POLD1: variants seen among roughly 807,000 people sequenced by gnomAD.
POLD1 encodes the protein DNA polymerase delta catalytic subunit.
A neutral mutation model predicts 129.7 loss-of-function variants in POLD1; 79 were observed. The observed-to-expected ratio is 0.61, with a 90% CI of 0.51 to 0.73. The LOEUF is 0.73. Ranked by LOEUF, POLD1 falls within the 30% of genes least tolerant of loss-of-function variation. The probability of loss-of-function intolerance (pLI) is 0.00; values close to 1 mark genes in which losing one functional copy is unlikely to be tolerated. For synonymous variants in POLD1, 714 were observed against 683.3 expected, an observed-to-expected ratio of 1.04 and a Z score of -0.70; for missense variants, 1,338 against 1,595.8, an observed-to-expected ratio of 0.84 and a Z score of 2.75.
At chr19:50,395,788 C>G (rs191092458) in intron 1 of POLD1, among the ~76,000 whole-genome samples, 139 of 151,242 alleles carry the variant, frequency 9.2e-4, no homozygotes, top group African/African-American at 3.1e-3. Context: ...TGTGTATCTC[C>G]TTAGAATATT....
chr19:50,416,875 G>A, intron 24 of POLD1, 152 bp downstream of exon 24: 1 of 959,748 alleles, frequency 1.0e-6, no homozygotes, highest in South Asian at 1.7e-5. Context: ...CCCACAGAGG[G>A]TCCTCGGCCC....
intron 1 of POLD1, among the ~76,000 whole-genome samples, chr19:50,391,349 C>T (rs2038159395): frequency 6.6e-6 from 1 of 152,116 alleles, no homozygotes; most frequent in Non-Finnish European, 1.5e-5. Context: ...AGGCAGGCGG[C>T]TGGGAGGTGG....
chr19:50,384,761 C>G (rs1036585174), intron 1 of POLD1, among the ~76,000 whole-genome samples: 1 of 152,170 alleles, frequency 6.6e-6, no homozygotes, highest in Non-Finnish European at 1.5e-5. Flanking sequence ...TCAGAGAAGT[C>G]CCTGTCTCGG....
chr19:50,395,247 AC>A (rs1458078889), intron 1 of POLD1: 3 of 145,820 alleles, frequency 2.1e-5, no homozygotes, highest in Admixed American at 2.0e-4. Flanking sequence ...GGGTACAGGT[AC>A]TTTTTAAAAA....
chr19:50,413,306 T>A, intron 17 of POLD1, 120 bp from the exon 18 acceptor site: 1 of 755,266 alleles, frequency 1.3e-6, no homozygotes, highest in Non-Finnish European at 2.2e-6. Flanking sequence ...AGGGGCAGAG[T>A]GGCTTGTACA....
At chr19:50,398,505 G>T (rs1412372962) in intron 1 of POLD1, among the ~76,000 whole-genome samples, 1 of 137,358 alleles carries the variant, frequency 7.3e-6, no homozygotes, top group African/African-American at 2.8e-5. Context: ...GGGAGGTAGA[G>T]CTTGCAGTGA....
intron 9 of POLD1, 21 bp downstream of exon 9, chr19:50,403,240 C>T: frequency 6.5e-7 from 1 of 1,528,630 alleles, no homozygotes; most frequent in African/African-American, 1.4e-5. Context: ...CTCCACGCCC[C>T]ACACCATTTC....
In POLD1 at chr19:50,413,421, G is replaced by T; in HGVS notation, c.2155-5G>T. On this transcript the variant is annotated splice_region_variant and splice_polypyrimidine_tract_variant and intron_variant, in intron 17 of 26. Coordinates refer to ENST00000440232, the MANE Select transcript of POLD1 (RefSeq NM_002691.4). ...CTTCACTCCGCATGATTCTCTCCCC[G>T]ACAGAGCGTCACGGGGTTCGGACGT... 6.2e-7 allele frequency: 1 copy of T among 1,612,084 alleles called. No homozygotes were observed. The highest frequency in any genetic ancestry group is 1.1e-5 in the South Asian group (1 of 90,822).
chr19:50,408,731 G>T, intron 14 of POLD1, 54 bp from the exon 15 acceptor site: 1 of 1,599,838 alleles, frequency 6.3e-7, no homozygotes, highest in Non-Finnish European at 8.5e-7. Context: ...ACAGGGCGGG[G>T]GCGGCATGGG....
chr19:50,406,592 C>A lies in POLD1; in HGVS notation c.1494+75C>A. The A allele has an allele frequency of 2.8e-6, 3 of 1,079,384 alleles. No individual in the cohort carries two copies. The highest frequency in any genetic ancestry group is 2.0e-5 in the Admixed American group (1 of 50,192). 66.9% of individuals were successfully genotyped at this position (1,079,384 alleles called of 1,614,324 possible). On this transcript the variant is annotated intron_variant, in intron 12 of 26. Coordinates refer to ENST00000440232, the MANE Select transcript of POLD1 (RefSeq NM_002691.4). This position sits in a 1 kb window ranked among gnomAD's most constrained non-coding sequence, Gnocchi z 5.5. Reference sequence around the variant, plus strand: ...ACCCTTCCCCGGCCTCTGACCTCAACTTCACGCCCCCACGTCTGACCTCAC... The same window carrying A: ...ACCCTTCCCCGGCCTCTGACCTCAAATTCACGCCCCCACGTCTGACCTCAC...
Position 50,406,134 on chromosome 19 carries a change from T to C in POLD1, c.1243-48T>C. 2 of 1,591,742 alleles carry C rather than the reference T, an allele frequency of 1.3e-6. No homozygotes were observed. Among genetic ancestry groups the C allele is most frequent in the Non-Finnish European group, 1.7e-6 (2 of 1,165,054 alleles). Reference sequence around the variant, plus strand: ...TCTCAATCTCCGTTCTTCAGGCTTATGTGACGGGGACCCGCAGCCTGCTGC... The same window carrying C: ...TCTCAATCTCCGTTCTTCAGGCTTACGTGACGGGGACCCGCAGCCTGCTGC... On this transcript the variant is annotated intron_variant, in intron 10 of 26. Coordinates refer to ENST00000440232, the MANE Select transcript of POLD1 (RefSeq NM_002691.4). The surrounding 1 kb of genome is among the most constrained non-coding windows in gnomAD (Gnocchi z 5.5).
At chr19:50,388,532 G>C (rs2038044993) in intron 1 of POLD1, among the ~76,000 whole-genome samples, 1 of 152,124 alleles carries the variant, frequency 6.6e-6, no homozygotes, top group Non-Finnish European at 1.5e-5. Context: ...AAAGCAAAAA[G>C]ATTTCTACAT....
At chr19:50,399,300 G>A in intron 2 of POLD1, 71 bp from the exon 3 acceptor site, 1 of 1,350,762 alleles carries the variant, frequency 7.4e-7, no homozygotes, top group Non-Finnish European at 1.1e-6. Flanking sequence ...GCTCCTTTCA[G>A]AACCACATGC....
intron 14 of POLD1, among the ~76,000 whole-genome samples, chr19:50,408,144 G>A (rs2038966066): frequency 1.3e-5 from 2 of 151,520 alleles, no homozygotes; most frequent in African/African-American, 4.8e-5. Context: ...GGACCATCCT[G>A]GCTAACACGG....
rs2122319510 is a variant in POLD1, at chr19:50,406,269, C to T, written c.1330C>T (p.Arg444Trp). The T allele has an allele frequency of 6.2e-7, 1 of 1,613,954 alleles. No individual in the cohort carries two copies. Among genetic ancestry groups the T allele is most frequent in the Non-Finnish European group, 8.5e-7 (1 of 1,179,980 alleles). Residue 444 changes from arginine (R) to tryptophan (W), a missense_variant, in exon 11 of 27, where the codon CGG becomes TGG. By Grantham distance (101) the Arg-to-Trp change is moderately radical. Around this residue, in one of 3 missense-constraint regions of POLD1, gnomAD observed 720 missense variants for 1,002.6 expected, o/e 0.72. Coordinates refer to ENST00000440232, the MANE Select transcript of POLD1 (RefSeq NM_002691.4). The surrounding 1 kb of genome is among the most constrained non-coding windows in gnomAD (Gnocchi z 5.5). ...ATTCCAGTCCAAGCAGACGGGCCGG[C>T]GGGACACCAAGGTTGTCAGCATGGT... ...SSFQSKQTGR[R>W]DTKVVSMVGR...
Position 50,406,651 on chromosome 19 carries a change from C to T in POLD1, c.1494+134C>T. 1.4e-6 allele frequency: 1 copy of T among 692,670 alleles called. No individual in the cohort carries two copies. Among genetic ancestry groups the T allele is most frequent in the Non-Finnish European group, 2.5e-6 (1 of 396,490 alleles). The allele number at this position is 692,670 out of a possible 1,614,324, so 42.9% of individuals were successfully genotyped here. A position where few individuals can be genotyped will look rare whatever the true frequency, so the allele number is the denominator to read the frequency against. ...CTGCTGTTATGACCTGTGACCTTAC[C>T]TGACGCCCACTTTTTCCTGACCTCT... On this transcript the variant is annotated intron_variant, in intron 12 of 26. Coordinates refer to ENST00000440232, the MANE Select transcript of POLD1 (RefSeq NM_002691.4). This position sits in a 1 kb window ranked among gnomAD's most constrained non-coding sequence, Gnocchi z 5.5.
Position 50,410,210 on chromosome 19 carries a change from G to T in POLD1, c.2154+544G>T, listed in dbSNP as rs561369220. On this transcript the variant is annotated intron_variant, in intron 17 of 26. Coordinates refer to ENST00000440232, the MANE Select transcript of POLD1 (RefSeq NM_002691.4). ...AAACAGATTCTTTGAAACCACAGAGGGCCTGAGTTTCCGAGATTGCCAAGC... is the reference window on the plus strand; with the variant it reads ...AAACAGATTCTTTGAAACCACAGAGTGCCTGAGTTTCCGAGATTGCCAAGC... Among the ~76,000 whole-genome samples, 7 of 152,312 alleles carry T rather than the reference G, an allele frequency of 4.6e-5. No individual in the cohort carries two copies. In the South Asian group the frequency reaches 1.5e-3, roughly 32 times the overall value.
chr19:50,413,305 G>A (rs2039151314), intron 17 of POLD1, 121 bp from the exon 18 acceptor site: 2 of 757,612 alleles, frequency 2.6e-6, no homozygotes, highest in Admixed American at 4.8e-5. Flanking sequence ...GAGGGGCAGA[G>A]TGGCTTGTAC....
At chr19:50,417,779 C>T in intron 26 of POLD1, 63 bp from the exon 27 acceptor site, 2 of 1,032,436 alleles carry the variant, frequency 1.9e-6, no homozygotes, top group Admixed American at 2.0e-5. Context: ...AGCCCCCACC[C>T]CTCTCCCAGG....
Sources: allele counts gnomAD v4.1 joint callset (sites outside exome capture counted in the v4.1 genomes callset), GRCh38; gene constraint gnomAD v4.1.1; regional missense constraint gnomAD v4.1.1; non-coding constraint Gnocchi (gnomAD v3.1); transcripts MANE v1.5; gene names NCBI Gene and HGNC (gene_info 2026-07-23, HGNC 2026-07-21).